Variants in TOM1 observed in about 807,000 individuals in gnomAD.
TOM1 encodes the protein target of Myb protein 1.
Under a neutral mutation model 61.3 loss-of-function variants are expected in TOM1, and 38 were observed. The ratio of observed to expected loss-of-function variants is 0.62; its 90% CI spans 0.48 to 0.81. The LOEUF is 0.81. Ranked by LOEUF, TOM1 falls within the 40% of genes least tolerant of loss-of-function variation. The pLI is 0.00. For synonymous variants in TOM1, 270 were observed against 268.8 expected (o/e 1.00, Z -0.04); for missense variants, 591 against 659.6 (o/e 0.90, Z 1.14).
At chr22:35,336,815 G>C (rs1929381731) in intron 11 of TOM1, 1 of 152,420 alleles carries the variant, frequency 6.6e-6, no homozygotes, top group African/African-American at 2.4e-5. Flanking sequence ...TGCAGGAGGT[G>C]CGGGCTTCCT....
At chr22:35,328,172 G>A (rs929890032) in intron 7 of TOM1, among the ~76,000 whole-genome samples, 8 of 152,164 alleles carry the variant, frequency 5.3e-5, no homozygotes, top group African/African-American at 1.7e-4. Context: ...ACTCTGCAGG[G>A]GTCCTCACTT....
chr22:35,312,584 C>T (rs1926929665), intron 1 of TOM1, among the ~76,000 whole-genome samples: 1 of 152,246 alleles, frequency 6.6e-6, no homozygotes, highest in South Asian at 2.1e-4. Context: ...AAATTGCTGC[C>T]TTCTCCATGC....
At chr22:35,337,343 G>C (rs138793) in intron 11 of TOM1, among the ~76,000 whole-genome samples, 74,177 of 152,018 alleles carry the variant, frequency 0.49, 20,196 homozygotes, top group South Asian at 0.63. Flanking sequence ...ACAGCAACAA[G>C]CACCTCCAGA....
chr22:35,317,847 AT>A, intron 1 of TOM1, 29 bp from the exon 2 acceptor site: 1 of 1,592,174 alleles, frequency 6.3e-7, no homozygotes, highest in Non-Finnish European at 8.6e-7. Context: ...GGACCCCCTC[AT>A]GACTTTATGA....
chr22:35,321,048 G>A (rs1267156902), intron 2 of TOM1, among the ~76,000 whole-genome samples: 1 of 149,960 alleles, frequency 6.7e-6, no homozygotes, highest in African/African-American at 2.4e-5. Flanking sequence ...GGCCAGGACG[G>A]GGCATCAGAA....
intron 9 of TOM1, 107 bp downstream of exon 9, chr22:35,333,121 T>C (rs1928983880): frequency 4.0e-6 from 5 of 1,244,782 alleles, no homozygotes; most frequent in Non-Finnish European, 5.9e-6. Context: ...TGCTGTCTTA[T>C]CCAGGCCCAT....
intron 1 of TOM1, among the ~76,000 whole-genome samples, chr22:35,307,924 C>T (rs1926469271): frequency 6.6e-6 from 1 of 152,244 alleles, no homozygotes; most frequent in Non-Finnish European, 1.5e-5. Flanking sequence ...TTAGATGTTT[C>T]TGTGAACGTA....
intron 7 of TOM1, among the ~76,000 whole-genome samples, chr22:35,329,933 C>T (rs1398527879): frequency 1.3e-5 from 2 of 152,188 alleles, no homozygotes; most frequent in African/African-American, 2.4e-5. Context: ...CCAGTTTGGG[C>T]ACCTCACCCT....
Position 35,323,080 on chromosome 22 carries a change from C to T in TOM1, c.269C>T (p.Ala90Val), listed in dbSNP as rs1237651479. The change falls in exon 4 of 15, where the codon GCC becomes GTC. Residue 90 changes from alanine (A) to valine (V), a missense_variant. Transcript: ENST00000449058. This position sits in a 1 kb window ranked among gnomAD's most constrained non-coding sequence, Gnocchi z 4.2. ...GGGCACCGCTTCCACGTGCTGGTGG[C>T]CAGCCAGGACTTCGTGGAGAGTGTG... is the stretch of plus-strand genomic sequence containing the variant. ...NCGHRFHVLV[A>V]SQDFVESVLV... 3.7e-6 allele frequency: 6 copies of T among 1,614,146 alleles called. No homozygotes were observed. The highest frequency in any genetic ancestry group is 5.1e-6 in the Non-Finnish European group (6 of 1,180,032).
chr22:35,323,097 G>A lies in TOM1; in HGVS notation c.286G>A (p.Glu96Lys). The A allele has an allele frequency of 1.9e-6, 3 of 1,614,200 alleles. No homozygotes were observed. Among genetic ancestry groups the A allele is most frequent in the Middle Eastern group, 1.6e-4 (1 of 6,062 alleles). ...HVLVASQDFV[E>K]SVLVRTILPK... is the part of the protein sequence containing the mutation. Reference sequence around the variant, plus strand: ...GCTGGTGGCCAGCCAGGACTTCGTGGAGAGTGTGCTGGTGAGGACCATCCT... The same window carrying A: ...GCTGGTGGCCAGCCAGGACTTCGTGAAGAGTGTGCTGGTGAGGACCATCCT... The change falls in exon 4 of 15, where the codon GAG becomes AAG. Residue 96 changes from glutamate to lysine, a missense_variant. Transcript: ENST00000449058. This position sits in a 1 kb window ranked among gnomAD's most constrained non-coding sequence, Gnocchi z 4.2.
chr22:35,330,566 T>A, intron 8 of TOM1, 86 bp downstream of exon 8: 2 of 1,332,134 alleles, frequency 1.5e-6, no homozygotes, highest in Non-Finnish European at 2.0e-6. Context: ...TCTCATGCCA[T>A]CTGAGCCTTC....
chr22:35,312,150 C>G (rs1268414045), intron 1 of TOM1, among the ~76,000 whole-genome samples: 1 of 151,472 alleles, frequency 6.6e-6, no homozygotes, highest in Admixed American at 6.6e-5. Context: ...GGGGCTGAGG[C>G]AGAGAATTGC....
intron 11 of TOM1, among the ~76,000 whole-genome samples, chr22:35,336,236 G>A (rs1929324990): frequency 6.6e-6 from 1 of 152,160 alleles, no homozygotes; most frequent in Non-Finnish European, 1.5e-5. Context: ...AAGGTCAGGC[G>A]TGGACCTGAG....
intron 7 of TOM1, among the ~76,000 whole-genome samples, chr22:35,329,888 A>G (rs1330895256): frequency 3.3e-5 from 5 of 152,236 alleles, no homozygotes; most frequent in Non-Finnish European, 7.3e-5. Flanking sequence ...TCATGTTTGT[A>G]GAACCCAAAA....
At chr22:35,318,027 A>T in intron 2 of TOM1, 66 bp downstream of exon 2, 7 of 1,374,528 alleles carry the variant, frequency 5.1e-6, no homozygotes, top group Non-Finnish European at 7.3e-6. Context: ...ACACTCCTGC[A>T]CCCTTCCAGG....
At position 35,321,981 on chromosome 22, in the gene TOM1, G is replaced by C; in HGVS notation, c.160G>C (p.Val54Leu). 6.2e-7 allele frequency: 1 copy of C among 1,614,174 alleles called. No homozygotes were observed. The highest frequency in any genetic ancestry group is 8.5e-7 in the Non-Finnish European group (1 of 1,180,026). The change falls in exon 3 of 15, where the codon GTA (valine) becomes CTA (leucine). Residue 54 changes from valine to leucine, a missense_variant. By Grantham distance (32) the Val-to-Leu change is conservative. Coordinates refer to ENST00000449058, the MANE Select transcript of TOM1 (RefSeq NM_005488.3). ...EEGPKDALRA[V>L]KKRIVGNKNF... ...TAGTCCCAAAGATGCCCTCCGAGCA[G>C]TAAAGAAGAGAATCGTGGGGAATAA...
At chr22:35,342,403 G>C (rs1929948395) in intron 12 of TOM1, among the ~76,000 whole-genome samples, 1 of 151,980 alleles carries the variant, frequency 6.6e-6, no homozygotes, top group African/African-American at 2.4e-5. Context: ...TGGGGCCCTA[G>C]GAAACTGCAT....
chr22:35,304,455 A>G (rs936185514), intron 1 of TOM1, among the ~76,000 whole-genome samples: 1 of 152,080 alleles, frequency 6.6e-6, no homozygotes, highest in African/African-American at 2.4e-5. Flanking sequence ...CTGCAGACAA[A>G]TCTTACTGGA....
At chr22:35,310,280 C>CA (rs1484627485) in intron 1 of TOM1, among the ~76,000 whole-genome samples, 1 of 152,094 alleles carries the variant, frequency 6.6e-6, no homozygotes, top group Non-Finnish European at 1.5e-5. Flanking sequence ...TTCAAAGGGT[C>CA]ACGGTGGCTC....
Sources: gnomAD v4.1 joint callset for allele counts (sites outside exome capture counted in the v4.1 genomes callset) on GRCh38, gnomAD v4.1.1 for gene constraint, Gnocchi (gnomAD v3.1) non-coding constraint, MANE v1.5 for transcripts, NCBI Gene and HGNC (gene_info 2026-07-23, HGNC 2026-07-21) for gene names.